Variants in TNS3 observed in about 807,000 individuals in gnomAD.
TNS3 encodes tensin-3.
TNS3 carries 45 observed loss-of-function variants against 140.9 expected under a neutral mutation model. The observed-to-expected ratio is 0.32, with a 90% CI of 0.25 to 0.41. The LOEUF (loss-of-function observed/expected upper bound fraction) is 0.41, where lower values mean the gene tolerates loss of function less well. TNS3 is among the 10% of genes least tolerant of loss of function. The probability of loss-of-function intolerance (pLI) is 1.00; values close to 1 mark genes in which losing one functional copy is unlikely to be tolerated. For synonymous variants in TNS3, 815 were observed against 788.4 expected (o/e 1.03, Z -0.56); for missense variants, 1,716 against 1,906.7 (o/e 0.90, Z 1.86).
intron 2 of TNS3, among the ~76,000 whole-genome samples, chr7:47,509,212 C>A (rs1798521698): frequency 6.6e-6 from 1 of 152,158 alleles, no homozygotes; most frequent in African/African-American, 2.4e-5. Flanking sequence ...CACTGTAGGG[C>A]AAAATCATTA....
chr7:47,419,981 T>C lies in TNS3; in HGVS notation c.473+4120A>G, dbSNP rs74524171. On this transcript the variant is annotated intron_variant, in intron 10 of 30. Coordinates refer to ENST00000311160, the MANE Select transcript of TNS3 (RefSeq NM_022748.12). ...AACTCTGGTCTCCTGTTCAGCCAGC[T>C]CTGCATGAATTAAACTCTTTCTCTA... 3.8e-3 allele frequency among the ~76,000 whole-genome samples: 581 copies of C among 152,314 alleles called. 5 individuals are homozygous for C. Among genetic ancestry groups the C allele is most frequent in the Non-Finnish European group, 6.2e-3 (425 of 68,040 alleles).
chr7:47,439,729 G>T, intron 5 of TNS3, 71 bp from the exon 6 acceptor site: 2 of 1,532,922 alleles, frequency 1.3e-6, no homozygotes, highest in Non-Finnish European at 1.8e-6. Context: ...TAGGAAAAAG[G>T]TGAAGACGAC....
Position 47,276,139 on chromosome 7 carries a change from C to T in TNS3, c.*1937G>A, listed in dbSNP as rs1481093612. 5.5e-6 allele frequency: 1 copy of T among 182,058 alleles called. No individual in the cohort carries two copies. Among genetic ancestry groups the T allele is most frequent in the East Asian group, 1.6e-4 (1 of 6,190 alleles). The allele number at this position is 182,058 out of a possible 1,614,324, so 11.3% of individuals were successfully genotyped here. On this transcript the variant is annotated 3_prime_UTR_variant, in exon 31 of 31. Transcript: ENST00000311160. The stretch of plus-strand genomic sequence containing the variant: ...TCTGCTAAAGACATCAGGGTCAACA[C>T]ATGAGGATCTGCTGAAAATGCCAGC...
At chr7:47,381,457 C>G (rs1791754324) in intron 16 of TNS3, among the ~76,000 whole-genome samples, 1 of 152,170 alleles carries the variant, frequency 6.6e-6, no homozygotes, top group Admixed American at 6.5e-5. Flanking sequence ...TTTGCTTTGG[C>G]TCAACATGGG....
chr7:47,389,333 G>T (rs1249623809), intron 16 of TNS3, among the ~76,000 whole-genome samples: 1 of 152,144 alleles, frequency 6.6e-6, no homozygotes. Flanking sequence ...AGCAGAGGAG[G>T]CCCAAGGTTT....
intron 1 of TNS3, among the ~76,000 whole-genome samples, chr7:47,550,210 G>A (rs1321457487): frequency 6.6e-6 from 1 of 152,156 alleles, no homozygotes; most frequent in African/African-American, 2.4e-5. Flanking sequence ...AGGCCCAGAC[G>A]CGAGAAGGGG....
chr7:47,533,750 G>A (rs1799502248), intron 1 of TNS3, among the ~76,000 whole-genome samples: 1 of 152,090 alleles, frequency 6.6e-6, no homozygotes, highest in African/African-American at 2.4e-5. Context: ...TCATGATAAT[G>A]AATAATTATC....
intron 4 of TNS3, among the ~76,000 whole-genome samples, chr7:47,474,326 A>ACACAACACACACAAAACACCT: frequency 6.6e-6 from 1 of 151,172 alleles, no homozygotes; most frequent in Non-Finnish European, 1.5e-5. Context: ...CACATAACCC[A>ACACAACACACACAAAACACCT]CACAACACAC....
At chr7:47,281,517 G>A (rs758640669) in intron 28 of TNS3, among the ~76,000 whole-genome samples, 30 of 152,226 alleles carry the variant, frequency 2.0e-4, no homozygotes, top group Non-Finnish European at 1.3e-4. Context: ...CAGAGCCTGG[G>A]TGTGCTTCAA....
chr7:47,314,679 G>A (rs1430952262), intron 20 of TNS3, among the ~76,000 whole-genome samples: 3 of 152,200 alleles, frequency 2.0e-5, no homozygotes, highest in Non-Finnish European at 4.4e-5. Context: ...CAGGACGTGG[G>A]CTGAGCTCCT....
chr7:47,378,102 A>G (rs1791513643), intron 16 of TNS3, among the ~76,000 whole-genome samples: 1 of 152,108 alleles, frequency 6.6e-6, no homozygotes, highest in Non-Finnish European at 1.5e-5. Flanking sequence ...GTTTGCTGAT[A>G]TCAGCTCCCA....
In TNS3 at chr7:47,447,510, G is replaced by A. The variant is rs141592850; in HGVS notation, c.-75-5455C>T. ...CAGCCTCAGGAAAGGTCCTCCACTC[G>A]CCTAGGCCTCATCTCCCTCCTCTTT... On this transcript the variant is annotated intron_variant, in intron 4 of 30. Coordinates refer to ENST00000311160, the MANE Select transcript of TNS3 (RefSeq NM_022748.12). 1.3e-4 allele frequency among the ~76,000 whole-genome samples: 20 copies of A among 152,214 alleles called. No homozygotes were observed. The East Asian group carries it at 3.1e-3, about 24-fold the overall frequency.
rs192974657 is a variant in TNS3, at chr7:47,303,060, G to A, written c.3347C>T (p.Pro1116Leu). 1.7e-4 allele frequency: 275 copies of A among 1,614,218 alleles called. 1 individual carries two copies. In the East Asian group the frequency reaches 5.4e-3, roughly 32 times the overall value. ...EGDRSLGSVS[P>L]SSSGFSSPHS... The stretch of plus-strand genomic sequence containing the variant: ...CGGGCTGGAGAAGCCACTGGAGGAG[G>A]GAGAGACTGAGCCCAAAGAACGATC... The change falls in exon 22 of 31, where the codon CCC (proline) becomes CTC (leucine). Residue 1116 changes from proline to leucine, a missense_variant. Physicochemically the swap from Pro to Leu is moderately conservative, Grantham distance 98. Transcript: ENST00000311160.
At chr7:47,431,377 G>A (rs1416429566) in intron 8 of TNS3, among the ~76,000 whole-genome samples, 6 of 152,004 alleles carry the variant, frequency 3.9e-5, no homozygotes, top group East Asian at 3.9e-4. Context: ...GGTGGATCAC[G>A]AGGTCAGGAG....
At chr7:47,433,855 T>C (rs1351887486) in intron 8 of TNS3, among the ~76,000 whole-genome samples, 1 of 150,250 alleles carries the variant, frequency 6.7e-6, no homozygotes, top group Non-Finnish European at 1.5e-5. Flanking sequence ...TTAACAAGAA[T>C]TATATTTATT....
intron 18 of TNS3, among the ~76,000 whole-genome samples, chr7:47,345,501 G>C (rs1363172982): frequency 6.6e-6 from 1 of 152,226 alleles, no homozygotes; most frequent in African/African-American, 2.4e-5. Context: ...TTTCCTTTGT[G>C]AGTCAAGACT....
chr7:47,334,087 G>A (rs1320809996), intron 20 of TNS3, among the ~76,000 whole-genome samples: 2 of 152,116 alleles, frequency 1.3e-5, no homozygotes, highest in African/African-American at 4.8e-5. Flanking sequence ...ACCAAATCCA[G>A]GAAGTCCGCA....
At chr7:47,283,641 G>A (rs1274937749) in intron 28 of TNS3, 56 bp downstream of exon 28, 2 of 1,454,900 alleles carry the variant, frequency 1.4e-6, no homozygotes, top group South Asian at 1.5e-5. Context: ...AAGAACAAGA[G>A]GAACGTGACA....
chr7:47,564,641 A>AAAAAAG (rs1800387605), intron 1 of TNS3, among the ~76,000 whole-genome samples: 1 of 44,154 alleles, frequency 2.3e-5, no homozygotes, highest in Non-Finnish European at 4.8e-5. Context: ...GTCTCAAAAA[A>AAAAAAG]AAAAAAAACA....
Sources: allele counts gnomAD v4.1 joint callset (sites outside exome capture counted in the v4.1 genomes callset), GRCh38; gene constraint gnomAD v4.1.1; transcripts MANE v1.5; gene names NCBI Gene and HGNC (gene_info 2026-07-23, HGNC 2026-07-21).